Variants in FAM193A observed in about 807,000 individuals in gnomAD.
FAM193A encodes the protein protein FAM193A.
Under a neutral mutation model 126.5 loss-of-function variants are expected in FAM193A, and 22 were observed. That is an observed-to-expected ratio of 0.17 (90% CI 0.12 to 0.25). The LOEUF is 0.25. Ranked by LOEUF, FAM193A falls within the 10% of genes least tolerant of loss-of-function variation. The pLI is 1.00. For synonymous variants in FAM193A, 761 were observed against 646.8 expected, an observed-to-expected ratio of 1.18 and a Z score of -2.68; for missense variants, 1,675 against 1,672.8, an observed-to-expected ratio of 1.00 and a Z score of -0.02.
intron 1 of FAM193A, among the ~76,000 whole-genome samples, chr4:2,579,221 G>C (rs572797553): frequency 6.6e-6 from 1 of 152,068 alleles, no homozygotes; most frequent in African/African-American, 2.4e-5. Flanking sequence ...ATGGCTGGGC[G>C]CGGTGGCTCA....
At chr4:2,622,067 C>T (rs1250997823) in intron 2 of FAM193A, among the ~76,000 whole-genome samples, 1 of 151,998 alleles carries the variant, frequency 6.6e-6, no homozygotes, top group Non-Finnish European at 1.5e-5. Flanking sequence ...CCAGCCTGAG[C>T]AACATGGCGA....
intron 1 of FAM193A, among the ~76,000 whole-genome samples, chr4:2,568,244 A>G (rs1739085663): frequency 6.6e-6 from 1 of 152,192 alleles, no homozygotes; most frequent in South Asian, 2.1e-4. Flanking sequence ...AAAGATTGGA[A>G]GTTTATTGAA....
chr4:2,538,214 T>A (rs548809915), intron 1 of FAM193A, among the ~76,000 whole-genome samples: 1 of 152,140 alleles, frequency 6.6e-6, no homozygotes, highest in Admixed American at 6.6e-5. Flanking sequence ...TTTTTTTCTT[T>A]TGAGAACGGA....
intron 13 of FAM193A, among the ~76,000 whole-genome samples, chr4:2,680,856 G>T (rs1560560265): frequency 6.6e-6 from 1 of 151,872 alleles, no homozygotes; most frequent in African/African-American, 2.4e-5. Flanking sequence ...TGGTCAGGCT[G>T]GTCTCGAACC....
chr4:2,714,254 C>CT (rs1719306007), intron 19 of FAM193A, among the ~76,000 whole-genome samples: 2 of 152,122 alleles, frequency 1.3e-5, no homozygotes, highest in Non-Finnish European at 2.9e-5. Flanking sequence ...TTCCTTTCTG[C>CT]TGCTTGAGTT....
intron 13 of FAM193A, among the ~76,000 whole-genome samples, chr4:2,679,097 C>A (rs1714787680): frequency 6.6e-6 from 1 of 152,032 alleles, no homozygotes; most frequent in African/African-American, 2.4e-5. Flanking sequence ...CCTTCTATTC[C>A]TAGTTTGTTG....
chr4:2,636,109 T>G (rs1299151166), intron 5 of FAM193A, among the ~76,000 whole-genome samples: 1 of 151,424 alleles, frequency 6.6e-6, no homozygotes, highest in Non-Finnish European at 1.5e-5. Context: ...TCTCGCTCTG[T>G]CTCGCTGTGT....
chr4:2,602,879 C>A (rs1741285153), intron 2 of FAM193A, among the ~76,000 whole-genome samples: 1 of 145,728 alleles, frequency 6.9e-6, no homozygotes. Context: ...CCAGGATTGT[C>A]TGGATCTCCT....
At chr4:2,546,190 C>T (rs1456289352) in intron 1 of FAM193A, among the ~76,000 whole-genome samples, 1 of 150,996 alleles carries the variant, frequency 6.6e-6, no homozygotes, top group Non-Finnish European at 1.5e-5. Context: ...TGGGGTCCCA[C>T]TGTGTTTCCC....
At chr4:2,636,037 A>G (rs1744057789) in intron 5 of FAM193A, among the ~76,000 whole-genome samples, 2 of 150,862 alleles carry the variant, frequency 1.3e-5, no homozygotes. Context: ...AGTTGGAAAA[A>G]GGAATAATTT....
rs1021389192 is a variant in FAM193A, at chr4:2,659,586, A to C, written c.1418A>C (p.Glu473Ala). The change falls in exon 9 of 21, where the codon GAG becomes GCG. Residue 473 changes from glutamate to alanine, a missense_variant. Around this residue, in one of 4 missense-constraint regions of FAM193A, gnomAD observed 1,186 missense variants for 1,109.2 expected, o/e 1.07. Coordinates refer to ENST00000637812, the MANE Select transcript of FAM193A (RefSeq NM_001366318.2). Reference protein sequence around the residue: ...QLTNKKAVTGENNFTDTMRHM... With the variant: ...QLTNKKAVTGANNFTDTMRHM... ...ACCAATAAGAAAGCAGTTACTGGCG[A>C]GAACAACTTCACAGACACCATGAGG... 6.2e-7 allele frequency: 1 copy of C among 1,614,032 alleles called. No homozygotes were observed. Among genetic ancestry groups the C allele is most frequent in the African/African-American group, 1.3e-5 (1 of 74,930 alleles).
intron 7 of FAM193A, among the ~76,000 whole-genome samples, chr4:2,647,594 C>T (rs1224912886): frequency 6.6e-6 from 1 of 152,132 alleles, no homozygotes; most frequent in East Asian, 1.9e-4. Context: ...AGAGGGAGGG[C>T]ACCTGCTGGA....
intron 2 of FAM193A, among the ~76,000 whole-genome samples, chr4:2,607,316 T>C (rs1741605199): frequency 6.6e-6 from 1 of 152,232 alleles, no homozygotes; most frequent in Non-Finnish European, 1.5e-5. Flanking sequence ...CATGCTTTGC[T>C]CCTGCTGTCT....
At chr4:2,565,276 T>TTTTTTTAA (rs71178481) in intron 1 of FAM193A, among the ~76,000 whole-genome samples, 8 of 47,908 alleles carry the variant, frequency 1.7e-4, no homozygotes, top group African/African-American at 6.5e-4. Flanking sequence ...TTTTTTTTTT[T>TTTTTTTAA]AAAAGATGCA....
At chr4:2,637,830 A>G (rs1450297255) in intron 5 of FAM193A, among the ~76,000 whole-genome samples, 1 of 152,246 alleles carries the variant, frequency 6.6e-6, no homozygotes, top group African/African-American at 2.4e-5. Context: ...CGCTAAGGAC[A>G]GTGCCTGGCC....
chr4:2,693,688 C>T lies in FAM193A; in HGVS notation c.2906C>T (p.Pro969Leu). Reference protein sequence around the residue: ...TGLAPLPALSPAALSPAALSP... With the variant: ...TGLAPLPALSLAALSPAALSP... ...TTGGCCCCCCTCCCAGCGCTCTCGC[C>T]TGCTGCGCTGTCACCTGCTGCGCTC... Residue 969 changes from proline (P) to leucine (L), a missense_variant, in exon 16 of 21, where the codon CCT (proline) becomes CTT (leucine). By Grantham distance (98) the Pro-to-Leu change is moderately conservative. This residue lies in a region of FAM193A where 1,186 missense variants were observed against 1,109.2 expected (regional missense o/e 1.07). Coordinates refer to ENST00000637812, the MANE Select transcript of FAM193A (RefSeq NM_001366318.2). 6.2e-7 allele frequency: 1 copy of T among 1,614,234 alleles called. No individual in the cohort carries two copies.
intron 1 of FAM193A, among the ~76,000 whole-genome samples, chr4:2,540,669 C>T (rs940483083): frequency 6.6e-6 from 1 of 151,570 alleles, no homozygotes; most frequent in African/African-American, 2.4e-5. Context: ...CGAACAAAAA[C>T]GAAAAAACAG....
intron 1 of FAM193A, among the ~76,000 whole-genome samples, chr4:2,538,986 G>T (rs1026940735): frequency 4.6e-5 from 7 of 152,036 alleles, no homozygotes; most frequent in Non-Finnish European, 7.4e-5. Flanking sequence ...TGTCTCCCGG[G>T]TTCAAGCGAT....
intron 19 of FAM193A, among the ~76,000 whole-genome samples, chr4:2,713,933 T>A (rs1334952113): frequency 3.9e-5 from 6 of 152,160 alleles, no homozygotes; most frequent in South Asian, 4.1e-4. Flanking sequence ...TGTAAAAAAA[T>A]TTTTTCCTGA....
Sources: gnomAD v4.1 joint callset for allele counts (sites outside exome capture counted in the v4.1 genomes callset) on GRCh38, gnomAD v4.1.1 for gene constraint, gnomAD v4.1.1 regional missense constraint, MANE v1.5 for transcripts, NCBI Gene and HGNC (gene_info 2026-07-23, HGNC 2026-07-21) for gene names.